CREB3L2: variants seen among roughly 807,000 people sequenced by gnomAD.
CREB3L2 encodes the protein cyclic AMP-responsive element-binding protein 3-like protein 2.
A neutral mutation model predicts 57.2 loss-of-function variants in CREB3L2; 23 were observed. The observed-to-expected ratio is 0.40, with a 90% CI of 0.29 to 0.57. The LOEUF (loss-of-function observed/expected upper bound fraction) is 0.57. Among genes scored for constraint, CREB3L2 ranks in the 20% least tolerant of loss-of-function variants. The probability of loss-of-function intolerance (pLI) is 0.42; values close to 1 mark genes in which losing one functional copy is unlikely to be tolerated. For missense variants in CREB3L2, 628 were observed against 634.7 expected (o/e 0.99, Z 0.11); for synonymous variants, 268 against 265.1 (o/e 1.01, Z -0.11).
chr7:137,920,846 T>C (rs1291639366), intron 2 of CREB3L2, among the ~76,000 whole-genome samples: 1 of 152,242 alleles, frequency 6.6e-6, no homozygotes, highest in Non-Finnish European at 1.5e-5. Flanking sequence ...TCTGAACTAC[T>C]GGAGGTTGGC....
Position 138,001,763 on chromosome 7 carries a change from T to C in CREB3L2, c.-58A>G. The C allele has an allele frequency of 1.6e-6, 2 of 1,286,486 alleles. No homozygotes were observed. The highest frequency in any genetic ancestry group is 1.4e-5 in the South Asian group (1 of 69,584). The allele number at this position is 1,286,486 out of a possible 1,614,324, so 79.7% of individuals were successfully genotyped here. A position where few individuals can be genotyped will look rare whatever the true frequency, so the allele number is the denominator to read the frequency against. On this transcript the variant is annotated 5_prime_UTR_variant, in exon 1 of 12. Transcript: ENST00000330387. This position sits in a 1 kb window ranked among gnomAD's most constrained non-coding sequence, Gnocchi z 4.2. ...AAGCGCAGGAGGGGACGCGCAGAGC[T>C]GCCTCGGACCGGCAAGGTTCCTCTC...
chr7:137,951,360 A>C (rs1244932767), intron 1 of CREB3L2, among the ~76,000 whole-genome samples: 1 of 152,218 alleles, frequency 6.6e-6, no homozygotes, highest in Non-Finnish European at 1.5e-5. Context: ...TAAACCAACA[A>C]TATATTGATA....
chr7:137,885,412 G>C lies in CREB3L2; in HGVS notation c.1134C>G (p.Thr378=). 1.2e-6 allele frequency: 2 copies of C among 1,613,816 alleles called. No homozygotes were observed. Among genetic ancestry groups the C allele is most frequent in the Non-Finnish European group, 1.7e-6 (2 of 1,179,732 alleles). The part of the protein sequence containing the change: ...TCKLAGTQTG[T]CLMVVVLCFA... ...CTGCTGGGAAGCTCACCATGAGGCA[G>C]GTGCCAGTCTGCGTGCCAGCTAACT... The change falls in exon 9 of 12, where the codon ACC becomes ACG. Residue 378 remains threonine (T), a synonymous_variant. Transcript: ENST00000330387.
chr7:137,923,021 C>G (rs1379716428), intron 2 of CREB3L2, among the ~76,000 whole-genome samples: 1 of 152,134 alleles, frequency 6.6e-6, no homozygotes, highest in Non-Finnish European at 1.5e-5. Flanking sequence ...AAGTTACAGG[C>G]CTATCTCCCC....
At chr7:137,925,966 G>C (rs1800445502) in intron 2 of CREB3L2, among the ~76,000 whole-genome samples, 1 of 152,224 alleles carries the variant, frequency 6.6e-6, no homozygotes, top group African/African-American at 2.4e-5. Context: ...CAGCCTAAGA[G>C]CTATAAATAG....
intron 1 of CREB3L2, among the ~76,000 whole-genome samples, chr7:137,968,362 C>G (rs4728424): frequency 0.14 from 21,835 of 151,944 alleles, 1,919 homozygotes; most frequent in Admixed American, 0.25. Context: ...CATCCCCCAG[C>G]CCCAGACTCC....
rs750613233 is a variant in CREB3L2 at position 137,928,199 on chromosome 7, C to A, written c.270G>T (p.Arg90=). 2 of 1,601,982 alleles carry A rather than the reference C, an allele frequency of 1.2e-6. No individual in the cohort carries two copies. Among genetic ancestry groups the A allele is most frequent in the South Asian group, 2.2e-5 (2 of 89,540 alleles). ...EHSYSLCEEP[R]AQSPFTHITT... ...TAATGTGGGTGAAGGGCGACTGGGC[C>A]CGAGGCTCCTCGCACAGGGAGTAGC... The change falls in exon 2 of 12, where the codon CGG becomes CGT. Residue 90 remains arginine, a synonymous_variant. Coordinates refer to ENST00000330387, the MANE Select transcript of CREB3L2 (RefSeq NM_194071.4).
At chr7:137,925,347 G>A (rs1330513526) in intron 2 of CREB3L2, among the ~76,000 whole-genome samples, 8 of 152,210 alleles carry the variant, frequency 5.3e-5, no homozygotes, top group Non-Finnish European at 7.3e-5. Flanking sequence ...ATTGGACAGT[G>A]AGAGCTGAAT....
At position 137,903,954 on chromosome 7, in the gene CREB3L2, C is replaced by T. The variant is rs370897248; in HGVS notation, c.974+5G>A. On this transcript the variant is annotated splice_donor_5th_base_variant and intron_variant, in intron 7 of 11. Coordinates refer to ENST00000330387, the MANE Select transcript of CREB3L2 (RefSeq NM_194071.4). ...ATGAACGCAACAGTTTGCCAGCAGG[C>T]TTACTTTTTCTCCAGGCTGTCCATG... 1.2e-5 allele frequency: 20 copies of T among 1,612,816 alleles called. No homozygotes were observed. The Admixed American group carries it at 1.8e-4, about 15-fold the overall frequency.
intron 1 of CREB3L2, chr7:137,999,814 A>G (rs1422586328): frequency 6.6e-6 from 1 of 152,250 alleles, no homozygotes; most frequent in Non-Finnish European, 1.5e-5. Context: ...CATGTACCTA[A>G]GTGGAGGACA....
intron 1 of CREB3L2, among the ~76,000 whole-genome samples, chr7:137,969,799 A>ACAACATG (rs1801477025): frequency 7.7e-6 from 1 of 129,656 alleles, no homozygotes; most frequent in Non-Finnish European, 1.5e-5. Context: ...CACACAACAT[A>ACAACATG]CACATACGCA....
intron 1 of CREB3L2, among the ~76,000 whole-genome samples, chr7:137,944,279 G>GCAGCTGGACCACCTCTCTGCC (rs1800928059): frequency 6.6e-6 from 1 of 152,144 alleles, no homozygotes; most frequent in Non-Finnish European, 1.5e-5. Flanking sequence ...GAACGAAGGT[G>GCAGCTGGACCACCTCTCTGCC]CAGCTGGACC....
chr7:137,942,483 T>G (rs1800895704), intron 1 of CREB3L2, among the ~76,000 whole-genome samples: 1 of 152,224 alleles, frequency 6.6e-6, no homozygotes, highest in South Asian at 2.1e-4. Context: ...AGTGGTTCAG[T>G]GTACCTTAGC....
chr7:137,926,753 T>C (rs541787498), intron 2 of CREB3L2, among the ~76,000 whole-genome samples: 2 of 152,240 alleles, frequency 1.3e-5, no homozygotes, highest in East Asian at 3.9e-4. Context: ...CATCCTCCTG[T>C]AAAGAAGAAG....
At chr7:137,953,886 A>G (rs555577500) in intron 1 of CREB3L2, among the ~76,000 whole-genome samples, 75 of 152,338 alleles carry the variant, frequency 4.9e-4, no homozygotes, top group African/African-American at 1.8e-3. Context: ...TTTTTCACAC[A>G]GCCCAGTAAG....
At chr7:137,985,057 T>A (rs761827820) in intron 1 of CREB3L2, among the ~76,000 whole-genome samples, 13 of 152,222 alleles carry the variant, frequency 8.5e-5, no homozygotes, top group Non-Finnish European at 1.6e-4. Context: ...AATGTGTAAC[T>A]TAACTTCCAA....
chr7:137,968,411 C>G (rs1221824323), intron 1 of CREB3L2, among the ~76,000 whole-genome samples: 3 of 151,972 alleles, frequency 2.0e-5, no homozygotes, highest in Non-Finnish European at 4.4e-5. Context: ...CTCCCTTTGT[C>G]CATGTGTTCT....
intron 1 of CREB3L2, among the ~76,000 whole-genome samples, chr7:137,946,752 G>T (rs533689015): frequency 9.4e-5 from 7 of 74,208 alleles, no homozygotes; most frequent in East Asian, 1.3e-3. Context: ...GTTTTTTATA[G>T]TTATCTATAT....
intron 5 of CREB3L2, among the ~76,000 whole-genome samples, chr7:137,907,150 G>C (rs1799908212): frequency 6.6e-6 from 1 of 152,186 alleles, no homozygotes; most frequent in Non-Finnish European, 1.5e-5. Flanking sequence ...GCAGTATTTT[G>C]AAAAGTCACT....
Sources: gnomAD v4.1 joint callset for allele counts (sites outside exome capture counted in the v4.1 genomes callset) on GRCh38, gnomAD v4.1.1 for gene constraint, Gnocchi (gnomAD v3.1) non-coding constraint, MANE v1.5 for transcripts, NCBI Gene and HGNC (gene_info 2026-07-23, HGNC 2026-07-21) for gene names.